The following TIAM2 variants were observed in gnomAD, a reference collection of about 807,000 sequenced individuals.
TIAM2 encodes rho guanine nucleotide exchange factor TIAM2.
A neutral mutation model predicts 152.9 loss-of-function variants in TIAM2; 80 were observed. The observed-to-expected ratio is 0.52, with a 90% CI of 0.44 to 0.63. TIAM2 has a LOEUF of 0.63. Ranked by LOEUF, TIAM2 falls within the 30% of genes least tolerant of loss-of-function variation. The pLI is 0.00. For synonymous variants in TIAM2, 804 were observed against 838.0 expected, an observed-to-expected ratio of 0.96 and a Z score of 0.70; for missense variants, 1,965 against 2,120.1, an observed-to-expected ratio of 0.93 and a Z score of 1.44.
At chr6:155,007,763 G>C (rs1199599765) in intron 1 of TIAM2, among the ~76,000 whole-genome samples, 1 of 152,152 alleles carries the variant, frequency 6.6e-6, no homozygotes, top group African/African-American at 2.4e-5. Context: ...AAAATCTGGG[G>C]ATGTCACTAA....
intron 14 of TIAM2, among the ~76,000 whole-genome samples, chr6:155,196,905 A>G (rs934033133): frequency 6.6e-6 from 1 of 152,268 alleles, no homozygotes; most frequent in African/African-American, 2.4e-5. Context: ...GGCTGTTAAC[A>G]TCTTTAACAT....
chr6:155,176,370 A>C (rs1222392582), intron 9 of TIAM2, among the ~76,000 whole-genome samples: 1 of 152,172 alleles, frequency 6.6e-6, no homozygotes, highest in Non-Finnish European at 1.5e-5. Context: ...AGTAGCTGGG[A>C]CTACAGGCGC....
chr6:155,096,003 T>G (rs1778412244), intron 2 of TIAM2, among the ~76,000 whole-genome samples: 1 of 152,216 alleles, frequency 6.6e-6, no homozygotes, highest in Non-Finnish European at 1.5e-5. Context: ...TAGCCAAAAC[T>G]CATTGTGTAG....
chr6:155,142,885 T>C (rs1046774607), intron 5 of TIAM2, among the ~76,000 whole-genome samples: 3 of 152,258 alleles, frequency 2.0e-5, no homozygotes, highest in Non-Finnish European at 4.4e-5. Flanking sequence ...TCTTGGCTTC[T>C]ATGTGCTGTT....
At chr6:155,249,736 T>A in intron 20 of TIAM2, 115 bp from the exon 21 acceptor site, 1 of 752,114 alleles carries the variant, frequency 1.3e-6, no homozygotes, top group Non-Finnish European at 2.1e-6. Flanking sequence ...ATGCTCCTGC[T>A]AGTGGGTACT....
At chr6:155,132,856 G>A (rs1297243843) in intron 4 of TIAM2, among the ~76,000 whole-genome samples, 1 of 152,180 alleles carries the variant, frequency 6.6e-6, no homozygotes. Flanking sequence ...GCTCTAGTGA[G>A]CTGCATTCAG....
In TIAM2 at chr6:155,144,753, C is replaced by G. The variant is rs138415811; in HGVS notation, c.1778C>G (p.Ser593Cys). The change falls in exon 6 of 27, where the codon TCC becomes TGC. Residue 593 changes from serine (S) to cysteine (C), a missense_variant. Around this residue, in one of 3 missense-constraint regions of TIAM2, gnomAD observed 1,025 missense variants for 1,119.4 expected, o/e 0.92. Coordinates refer to ENST00000682666, the MANE Select transcript of TIAM2 (RefSeq NM_012454.4). ...GAAAATGTGTTCTGCCTCAGCAACT[C>G]CTTTGGAGATGTCTACCTTTTCCAG... ...KKENVFCLSNSFGDVYLFQAT... is the reference protein window; with the variant it reads ...KKENVFCLSNCFGDVYLFQAT... The G allele has an allele frequency of 2.2e-5, 35 of 1,610,494 alleles. No individual in the cohort carries two copies. In the African/African-American group the frequency reaches 4.7e-4, roughly 22 times the overall value.
chr6:155,101,345 A>G (rs1014498867), intron 2 of TIAM2, among the ~76,000 whole-genome samples: 5 of 152,146 alleles, frequency 3.3e-5, no homozygotes, highest in African/African-American at 9.7e-5. Context: ...TTGCTTTTTC[A>G]TCAGAAACAG....
intron 15 of TIAM2, among the ~76,000 whole-genome samples, chr6:155,230,862 C>T (rs1291793486): frequency 1.4e-5 from 2 of 143,800 alleles, no homozygotes; most frequent in Non-Finnish European, 3.0e-5. Flanking sequence ...GAGATGGAGT[C>T]TCGCTCTGTC....
At chr6:155,172,388 C>A (rs914231013) in intron 9 of TIAM2, among the ~76,000 whole-genome samples, 1 of 150,534 alleles carries the variant, frequency 6.6e-6, no homozygotes, top group Non-Finnish European at 1.5e-5. Context: ...ATGCCCTGAT[C>A]CAGCCTCAGC....
chr6:155,097,516 AT>A, intron 2 of TIAM2, among the ~76,000 whole-genome samples: 3 of 152,058 alleles, frequency 2.0e-5, no homozygotes, highest in Admixed American at 2.0e-4. Context: ...CACTTTTTAA[AT>A]TTTTTGTAGA....
Position 155,166,321 on chromosome 6 carries a change from C to CTTT in TIAM2, c.2361+922_2361+924dup, listed in dbSNP as rs764098752. On this transcript the variant is annotated intron_variant, in intron 9 of 26. Coordinates refer to ENST00000682666, the MANE Select transcript of TIAM2 (RefSeq NM_012454.4). ...CAACACTTTCTTTTTCTTTTCTTCT[C>CTTT]TTTTTTTTTTTTCTTTTTTTGAGAT... Among the ~76,000 whole-genome samples, 668 of 143,932 alleles carry CTTT rather than the reference C, an allele frequency of 4.6e-3. 3 individuals carry two copies. Among genetic ancestry groups the CTTT allele is most frequent in the African/African-American group, 0.016 (644 of 39,570 alleles). 94.4% of individuals were successfully genotyped at this position (143,932 alleles called of 152,430 possible). A position where few individuals can be genotyped will look rare whatever the true frequency, so the allele number is the denominator to read the frequency against.
intron 1 of TIAM2, among the ~76,000 whole-genome samples, chr6:155,050,600 G>A (rs1251812522): frequency 6.6e-6 from 1 of 152,196 alleles, no homozygotes; most frequent in Admixed American, 6.5e-5. Flanking sequence ...CCAAGCGAGA[G>A]GCTGAGAGGC....
At chr6:155,108,604 C>T (rs936630389) in intron 2 of TIAM2, among the ~76,000 whole-genome samples, 2 of 152,170 alleles carry the variant, frequency 1.3e-5, no homozygotes, top group Non-Finnish European at 2.9e-5. Context: ...GAGGGAGTGA[C>T]TTTCCAAAGC....
At chr6:155,200,872 C>T (rs1197623626) in intron 14 of TIAM2, among the ~76,000 whole-genome samples, 1 of 152,008 alleles carries the variant, frequency 6.6e-6, no homozygotes, top group Non-Finnish European at 1.5e-5. Flanking sequence ...CACTGCACAC[C>T]AGCCTGGTGA....
intron 1 of TIAM2, chr6:155,005,034 C>A: frequency 1.9e-6 from 1 of 520,654 alleles, no homozygotes. Flanking sequence ...CATGGAGTAA[C>A]CCATGATGAG....
intron 1 of TIAM2, among the ~76,000 whole-genome samples, chr6:155,077,910 C>T (rs531897511): frequency 2.6e-4 from 40 of 152,306 alleles, no homozygotes; most frequent in Non-Finnish European, 5.1e-4. Context: ...TGAGCTCTTT[C>T]TACTTTGAAA....
chr6:155,007,418 T>C (rs1778420409), intron 1 of TIAM2, among the ~76,000 whole-genome samples: 1 of 151,128 alleles, frequency 6.6e-6, no homozygotes. Flanking sequence ...GGAGTCTCGC[T>C]CTGTCGCCCA....
chr6:155,171,180 T>C (rs1052290521), intron 9 of TIAM2, among the ~76,000 whole-genome samples: 3 of 152,252 alleles, frequency 2.0e-5, no homozygotes, highest in African/African-American at 7.2e-5. Context: ...CTCTAATTGA[T>C]GCATCATATA....
Sources: gnomAD v4.1 joint callset for allele counts (sites outside exome capture counted in the v4.1 genomes callset) on GRCh38, gnomAD v4.1.1 for gene constraint, gnomAD v4.1.1 regional missense constraint, MANE v1.5 for transcripts, NCBI Gene and HGNC (gene_info 2026-07-23, HGNC 2026-07-21) for gene names.